MAP2: variants seen among roughly 807,000 people sequenced by gnomAD.
The protein encoded by MAP2 is microtubule-associated protein 2.
MAP2 carries 14 observed loss-of-function variants against 137.6 expected under a neutral mutation model. The observed-to-expected ratio is 0.10, with a 90% CI of 0.07 to 0.16. MAP2 has a LOEUF of 0.16. Ranked by LOEUF, MAP2 falls within the 10% of genes least tolerant of loss-of-function variation. The pLI is 1.00. For missense variants in MAP2, 2,088 were observed against 2,191.5 expected, an observed-to-expected ratio of 0.95 and a Z score of 0.94; for synonymous variants, 786 against 782.3, an observed-to-expected ratio of 1.00 and a Z score of -0.08.
In MAP2 at chr2:209,694,945, C is replaced by A; in HGVS notation, c.2775C>A (p.Val925=). 1.2e-6 allele frequency: 2 copies of A among 1,614,074 alleles called. No homozygotes were observed. Among genetic ancestry groups the A allele is most frequent in the East Asian group, 2.2e-5 (1 of 44,870 alleles). Residue 925 remains valine (V), a synonymous_variant, in exon 8 of 16, where the codon GTC becomes GTA. Transcript: ENST00000682079. The part of the protein sequence containing the change: ...IEVKLAAAGR[V]KDEFSVDKEA... ...TGAAACTGGCAGCAGCCGGAAGAGTCAAAGATGAGTTCAGTGTTGACAAAG... is the reference window on the plus strand; with the variant it reads ...TGAAACTGGCAGCAGCCGGAAGAGTAAAAGATGAGTTCAGTGTTGACAAAG...
At chr2:209,726,188 A>T (rs2073925812) in intron 14 of MAP2, among the ~76,000 whole-genome samples, 1 of 152,088 alleles carries the variant, frequency 6.6e-6, no homozygotes. Context: ...TAAAATAAGG[A>T]TTGTGCTTTG....
intron 3 of MAP2, among the ~76,000 whole-genome samples, chr2:209,592,285 G>T (rs1017262237): frequency 6.6e-5 from 10 of 152,064 alleles, no homozygotes; most frequent in African/African-American, 1.9e-4. Context: ...AAATGAATAG[G>T]CACGGCTGTG....
chr2:209,695,205 C>T lies in MAP2; in HGVS notation c.3035C>T (p.Ser1012Phe), dbSNP rs1464964832. Residue 1012 changes from serine to phenylalanine, a missense_variant, in exon 8 of 16, where the codon TCT (serine) becomes TTT (phenylalanine). Ser to Phe is a radical substitution (Grantham distance 155, BLOSUM62 -2). Coordinates refer to ENST00000682079, the MANE Select transcript of MAP2 (RefSeq NM_001375505.1). ...KDLSIPTDAS[S>F]EKAEKGLSSV... ...TTGTCAATACCAACAGATGCATCCT[C>T]TGAGAAAGCAGAGAAGGGTCTTAGT... 3 of 1,614,140 alleles carry T rather than the reference C, an allele frequency of 1.9e-6. No homozygotes were observed. In the South Asian group the frequency reaches 3.3e-5, roughly 18 times the overall value.
chr2:209,438,791 G>A (rs1047762361), intron 1 of MAP2, among the ~76,000 whole-genome samples: 1 of 151,448 alleles, frequency 6.6e-6, no homozygotes, highest in Non-Finnish European at 1.5e-5. Context: ...CGATGACACG[G>A]CTCTCTGGTG....
chr2:209,653,480 G>A (rs577529932), intron 5 of MAP2, 48 bp downstream of exon 5: 118 of 1,526,772 alleles, frequency 7.7e-5, no homozygotes, highest in Admixed American at 4.5e-4. Context: ...GTGCTTTGAA[G>A]TCAGTTTAGT....
chr2:209,496,209 T>A (rs1451750163), intron 1 of MAP2, among the ~76,000 whole-genome samples: 1 of 152,184 alleles, frequency 6.6e-6, no homozygotes, highest in Non-Finnish European at 1.5e-5. Context: ...TTCCTGACTT[T>A]GTGCCGTATA....
intron 14 of MAP2, among the ~76,000 whole-genome samples, chr2:209,729,525 T>G (rs2075319454): frequency 6.6e-6 from 1 of 152,220 alleles, no homozygotes; most frequent in South Asian, 2.1e-4. Context: ...AATAAGATAT[T>G]TTCATTTTGC....
At chr2:209,578,751 G>T (rs2075753806) in intron 2 of MAP2, among the ~76,000 whole-genome samples, 1 of 152,126 alleles carries the variant, frequency 6.6e-6, no homozygotes, top group African/African-American at 2.4e-5. Context: ...ATATTCAACT[G>T]CTAATTTCAG....
At chr2:209,548,258 C>T (rs781063545) in intron 2 of MAP2, among the ~76,000 whole-genome samples, 1 of 152,156 alleles carries the variant, frequency 6.6e-6, no homozygotes, top group Non-Finnish European at 1.5e-5. Flanking sequence ...ACAAATCACT[C>T]TGATTTGGTA....
At chr2:209,452,040 T>C (rs1174523398) in intron 1 of MAP2, among the ~76,000 whole-genome samples, 1 of 152,234 alleles carries the variant, frequency 6.6e-6, no homozygotes. Context: ...AATGCAATTT[T>C]AGAAAGCACC....
At chr2:209,577,246 C>A (rs1194873922) in intron 2 of MAP2, among the ~76,000 whole-genome samples, 1 of 151,566 alleles carries the variant, frequency 6.6e-6, no homozygotes, top group Non-Finnish European at 1.5e-5. Context: ...AGAATTCTAA[C>A]CAGTATGTAG....
At chr2:209,719,117 A>G (rs930178888) in intron 13 of MAP2, among the ~76,000 whole-genome samples, 3 of 152,230 alleles carry the variant, frequency 2.0e-5, no homozygotes, top group Non-Finnish European at 2.9e-5. Flanking sequence ...GGGAAACCCA[A>G]AGGAGAAACT....
intron 1 of MAP2, among the ~76,000 whole-genome samples, chr2:209,438,608 A>G (rs1258427536): frequency 1.3e-5 from 2 of 151,554 alleles, no homozygotes; most frequent in African/African-American, 2.4e-5. Context: ...CTATATGTTT[A>G]TGGAGAATCT....
chr2:209,681,269 G>A (rs1409829855), intron 7 of MAP2, among the ~76,000 whole-genome samples: 2 of 152,086 alleles, frequency 1.3e-5, no homozygotes, highest in African/African-American at 2.4e-5. Flanking sequence ...TTTGCTCACT[G>A]TTATATTGCC....
At chr2:209,459,375 A>G (rs565494419) in intron 1 of MAP2, among the ~76,000 whole-genome samples, 14 of 152,236 alleles carry the variant, frequency 9.2e-5, no homozygotes, top group African/African-American at 2.9e-4. Context: ...TGTCATCATC[A>G]TTATTATTAT....
At chr2:209,719,398 C>T (rs1201348299) in intron 13 of MAP2, among the ~76,000 whole-genome samples, 4 of 152,188 alleles carry the variant, frequency 2.6e-5, no homozygotes, top group Non-Finnish European at 4.4e-5. Flanking sequence ...ATCAAAATCT[C>T]ATTGCTCAAG....
chr2:209,502,002 A>G (rs2060440708), intron 1 of MAP2, among the ~76,000 whole-genome samples: 1 of 151,952 alleles, frequency 6.6e-6, no homozygotes, highest in Admixed American at 6.6e-5. Context: ...TAAGTGTGCA[A>G]CATGTTTTGA....
At chr2:209,431,833 G>A (rs987498519) in intron 1 of MAP2, among the ~76,000 whole-genome samples, 1 of 152,142 alleles carries the variant, frequency 6.6e-6, no homozygotes, top group African/African-American at 2.4e-5. Context: ...ATATAAAAGA[G>A]GGAGGGGCTC....
At chr2:209,709,248 G>A (rs892735901) in intron 12 of MAP2, among the ~76,000 whole-genome samples, 1 of 151,618 alleles carries the variant, frequency 6.6e-6, no homozygotes, top group Middle Eastern at 3.2e-3. Flanking sequence ...GACATCCCAA[G>A]TTTCTAAGGC....
Sources: allele counts gnomAD v4.1 joint callset (sites outside exome capture counted in the v4.1 genomes callset), GRCh38; gene constraint gnomAD v4.1.1; transcripts MANE v1.5; gene names NCBI Gene and HGNC (gene_info 2026-07-23, HGNC 2026-07-21).